The following FREM1 variants were observed in gnomAD, a reference collection of about 807,000 sequenced individuals.
The protein encoded by FREM1 is FRAS1 related extracellular matrix 1.
Under a neutral mutation model 210.1 loss-of-function variants are expected in FREM1, and 220 were observed. The ratio of observed to expected loss-of-function variants is 1.05; its 90% CI spans 0.94 to 1.17. The LOEUF is 1.17. Among genes scored for constraint, FREM1 ranks in the 50% most tolerant of loss-of-function variants. FREM1 has a pLI of 0.00. For synonymous variants in FREM1, 1,189 were observed against 980.2 expected (o/e 1.21, Z -3.98); for missense variants, 3,454 against 2,675.5 (o/e 1.29, Z -6.42).
intron 19 of FREM1, among the ~76,000 whole-genome samples, chr9:14,802,096 C>G (rs914234418): frequency 6.6e-6 from 1 of 152,100 alleles, no homozygotes; most frequent in Non-Finnish European, 1.5e-5. Context: ...TTTCAAAGCA[C>G]TTTATTCATT....
chr9:14,752,816 T>G (rs1246177357), intron 29 of FREM1, among the ~76,000 whole-genome samples: 1 of 152,092 alleles, frequency 6.6e-6, no homozygotes, highest in Admixed American at 6.6e-5. Context: ...ACTCTCTGAT[T>G]TTAAGGTTAA....
In FREM1 at chr9:14,872,321, C is replaced by A. The variant is rs200670930; in HGVS notation, c.-267-3077G>T. 4.6e-5 allele frequency among the ~76,000 whole-genome samples: 7 copies of A among 152,046 alleles called. No homozygotes were observed. The South Asian group carries it at 1.5e-3, about 32-fold the overall frequency. Reference sequence around the variant, plus strand: ...ATGAGCATGGAATGTTCTTCCATTTCTTTGTATCCTCTTTTATTTCATTGA... The same window carrying A: ...ATGAGCATGGAATGTTCTTCCATTTATTTGTATCCTCTTTTATTTCATTGA... On this transcript the variant is annotated intron_variant, in intron 1 of 36. Coordinates refer to ENST00000380880, the MANE Select transcript of FREM1 (RefSeq NM_001379081.2).
chr9:14,897,886 G>A (rs777615631), intron 1 of FREM1, among the ~76,000 whole-genome samples: 1 of 152,152 alleles, frequency 6.6e-6, no homozygotes, highest in Non-Finnish European at 1.5e-5. Context: ...GAGCCATCAA[G>A]CCTAGCCAAG....
chr9:14,858,305 C>A (rs4291361), intron 4 of FREM1, among the ~76,000 whole-genome samples: 2 of 152,180 alleles, frequency 1.3e-5, no homozygotes, highest in Non-Finnish European at 2.9e-5. Context: ...ACAGTCTTCA[C>A]ATCTCTAACC....
chr9:14,745,789 T>C lies in FREM1; in HGVS notation c.6254+564A>G, dbSNP rs1027302397. 6.6e-5 allele frequency among the ~76,000 whole-genome samples: 10 copies of C among 152,220 alleles called. 1 individual carries two copies. Among genetic ancestry groups the C allele is most frequent in the Admixed American group, 5.9e-4 (9 of 15,290 alleles). ...ATTTTTAAAGTCCTTCTGGACTACA[T>C]ACATTGGTTGTCATTCTCTGACCAT... is the stretch of plus-strand genomic sequence containing the variant. On this transcript the variant is annotated intron_variant, in intron 35 of 36. Coordinates refer to ENST00000380880, the MANE Select transcript of FREM1 (RefSeq NM_001379081.2).
intron 27 of FREM1, among the ~76,000 whole-genome samples, chr9:14,768,266 T>C (rs1846818936): frequency 2.7e-5 from 1 of 37,732 alleles, no homozygotes; most frequent in Non-Finnish European, 1.6e-4. Flanking sequence ...GAATTATTTT[T>C]AAAATGTTAA....
intron 29 of FREM1, among the ~76,000 whole-genome samples, chr9:14,755,398 G>A (rs76008217): frequency 0.013 from 1,965 of 152,282 alleles, 32 homozygotes; most frequent in South Asian, 0.065. Context: ...ACACTTAGAG[G>A]AGTGTTCTCA....
chr9:14,843,039 G>C (rs917703803), intron 8 of FREM1, among the ~76,000 whole-genome samples: 1 of 152,154 alleles, frequency 6.6e-6, no homozygotes, highest in Admixed American at 6.5e-5. Flanking sequence ...ATTAGCATTC[G>C]AATCAGCAGA....
rs184243943 is a variant in FREM1 at position 14,871,596 on chromosome 9, G to T, written c.-267-2352C>A. On this transcript the variant is annotated intron_variant, in intron 1 of 36. Transcript: ENST00000380880. Reference sequence around the variant, plus strand: ...TAGGTTGCGAAAATTTTCTCCCATTGTATAGGTTGCCTGTTCACTCTGATG... The same window carrying T: ...TAGGTTGCGAAAATTTTCTCCCATTTTATAGGTTGCCTGTTCACTCTGATG... Among the ~76,000 whole-genome samples, 233 of 152,136 alleles carry T rather than the reference G, an allele frequency of 1.5e-3. 1 individual carries two copies. Among genetic ancestry groups the T allele is most frequent in the African/African-American group, 5.1e-3 (211 of 41,522 alleles).
At chr9:14,763,766 T>G (rs529269037) in intron 27 of FREM1, among the ~76,000 whole-genome samples, 1 of 152,348 alleles carries the variant, frequency 6.6e-6, no homozygotes, top group Non-Finnish European at 1.5e-5. Context: ...TTCCAGAGCA[T>G]GTACCACGTA....
rs764327097 is a variant in FREM1 at position 14,846,054 on chromosome 9, A to G, written c.1299T>C (p.Thr433=). Residue 433 remains threonine, a synonymous_variant, in exon 8 of 37, where the codon ACT becomes ACC. Transcript: ENST00000380880. ...TGTCGACAACCTGAAACTGTTCCCA[A>G]GTGATGGCTCGAGACTGCCCCTCAA... ...SLLEGQSRAI[T]WEQFQVVDND... is the part of the protein sequence containing the mutation. 6.2e-7 allele frequency: 1 copy of G among 1,600,802 alleles called. No homozygotes were observed. The highest frequency in any genetic ancestry group is 8.5e-7 in the Non-Finnish European group (1 of 1,172,964).
chr9:14,763,591 A>G lies in FREM1; in HGVS notation c.5205-3690T>C, dbSNP rs181280876. Among the ~76,000 whole-genome samples the G allele has an allele frequency of 4.1e-3, 623 of 152,318 alleles. 7 individuals are homozygous for G. The highest frequency in any genetic ancestry group is 0.027 in the Middle Eastern group (8 of 294). On this transcript the variant is annotated intron_variant, in intron 27 of 36. Coordinates refer to ENST00000380880, the MANE Select transcript of FREM1 (RefSeq NM_001379081.2). ...GAAGACATGGCATGGAGCAGTGGAA[A>G]TAAAATTGGATTTGAACTTGTGAGG...
In FREM1 at chr9:14,806,707, T is replaced by C. The variant is rs781514631; in HGVS notation, c.3228A>G (p.Ile1076Met). The part of the protein sequence containing the change: ...SPPQFGYLEN[I>M]LPSVGFEKSN... ...TTTTTTCAAAACCCACAGAAGGGAG[T>C]ATATTTTCGAGGTAGCCAAACTGAG... Residue 1076 changes from isoleucine to methionine, a missense_variant, in exon 18 of 37, where the codon ATA becomes ATG. By Grantham distance (10) the Ile-to-Met change is conservative. Transcript: ENST00000380880. 16 of 1,603,166 alleles carry C rather than the reference T, an allele frequency of 1.0e-5. No individual in the cohort carries two copies. The highest frequency in any genetic ancestry group is 1.4e-5 in the Non-Finnish European group (16 of 1,174,754).
intron 8 of FREM1, among the ~76,000 whole-genome samples, chr9:14,844,875 A>G (rs1372144310): frequency 6.6e-6 from 1 of 152,206 alleles, no homozygotes; most frequent in African/African-American, 2.4e-5. Flanking sequence ...CCTCAAATAC[A>G]TGAAGAAAAT....
chr9:14,860,658 T>C (rs370367681), intron 3 of FREM1, among the ~76,000 whole-genome samples: 8 of 132,610 alleles, frequency 6.0e-5, no homozygotes, highest in East Asian at 2.3e-4. Flanking sequence ...TATATACACA[T>C]ATATACATAT....
rs373986028 is a variant in FREM1 at position 14,789,146 on chromosome 9, T to C, written c.3982-32A>G. On this transcript the variant is annotated intron_variant, in intron 22 of 36. Coordinates refer to ENST00000380880, the MANE Select transcript of FREM1 (RefSeq NM_001379081.2). The stretch of plus-strand genomic sequence containing the variant: ...GGAGCCAGAGTTAGTCAGCTGCTCA[T>C]GGTTTTTTCTTTTCCCCCAACGTAC... The C allele has an allele frequency of 9.8e-5, 144 of 1,474,114 alleles. 1 individual carries two copies. The African/African-American group carries it at 1.7e-3, about 17-fold the overall frequency. The allele number at this position is 1,474,114 out of a possible 1,614,324, so 91.3% of individuals were successfully genotyped here. A position where few individuals can be genotyped will look rare whatever the true frequency, so the allele number is the denominator to read the frequency against.
intron 27 of FREM1, among the ~76,000 whole-genome samples, chr9:14,765,076 G>T (rs902788123): frequency 1.3e-4 from 20 of 152,146 alleles, no homozygotes; most frequent in Admixed American, 1.2e-3. Flanking sequence ...CTAAAATTGT[G>T]ATTAAATTAC....
intron 34 of FREM1, 81 bp downstream of exon 34, chr9:14,746,842 G>A (rs1842533616): frequency 1.2e-5 from 17 of 1,462,848 alleles, no homozygotes; most frequent in Non-Finnish European, 1.6e-5. Context: ...GTTGAGTCAT[G>A]CACCAGATGG....
In FREM1 at chr9:14,836,390, A is replaced by G. The variant is rs1279257985; in HGVS notation, c.1881+5057T>C. On this transcript the variant is annotated intron_variant, in intron 10 of 36. Coordinates refer to ENST00000380880, the MANE Select transcript of FREM1 (RefSeq NM_001379081.2). This position sits in a 1 kb window ranked among gnomAD's most constrained non-coding sequence, Gnocchi z 4.9. ...ATCACTAAGTCTGCTAGGATTTTTT[A>G]TTGGATTTAGTGATGCACTTTTAAA... Among the ~76,000 whole-genome samples the G allele has an allele frequency of 6.6e-6, 1 of 152,192 alleles. No individual in the cohort carries two copies. The highest frequency in any genetic ancestry group is 2.4e-5 in the African/African-American group (1 of 41,452).
Sources: allele counts gnomAD v4.1 joint callset (sites outside exome capture counted in the v4.1 genomes callset), GRCh38; gene constraint gnomAD v4.1.1; non-coding constraint Gnocchi (gnomAD v3.1); transcripts MANE v1.5; gene names NCBI Gene and HGNC (gene_info 2026-07-23, HGNC 2026-07-21).